The following WWC2 variants were observed in gnomAD, a reference collection of about 807,000 sequenced individuals.
The protein encoded by WWC2 is WW and C2 domain containing 2, also known as protein WWC2.
WWC2 carries 101 observed loss-of-function variants against 138.5 expected under a neutral mutation model. The observed-to-expected ratio is 0.73, with a 90% CI of 0.62 to 0.86. The LOEUF (loss-of-function observed/expected upper bound fraction) is 0.86, where lower values mean the gene tolerates loss of function less well. Among genes scored for constraint, WWC2 ranks in the 40% least tolerant of loss-of-function variants. The probability of loss-of-function intolerance (pLI) is 0.00; values close to 1 mark genes in which losing one functional copy is unlikely to be tolerated. For missense variants in WWC2, 1,420 were observed against 1,419.4 expected (o/e 1.00, Z -0.01); for synonymous variants, 558 against 538.4 (o/e 1.04, Z -0.50).
At chr4:183,285,517 T>C (rs1738217266) in intron 19 of WWC2, among the ~76,000 whole-genome samples, 1 of 152,186 alleles carries the variant, frequency 6.6e-6, no homozygotes, top group Non-Finnish European at 1.5e-5. Context: ...TCCCAACACT[T>C]TGGGAGCCCG....
At chr4:183,288,537 C>T (rs1466364060) in intron 20 of WWC2, among the ~76,000 whole-genome samples, 1 of 152,200 alleles carries the variant, frequency 6.6e-6, no homozygotes, top group Non-Finnish European at 1.5e-5. Context: ...ATCCCCTTCC[C>T]TGACTTCCTG....
chr4:183,172,549 GTTTCTTGT>G (rs1403980942), intron 1 of WWC2, among the ~76,000 whole-genome samples: 1 of 122,870 alleles, frequency 8.1e-6, no homozygotes, highest in Non-Finnish European at 1.8e-5. Flanking sequence ...ATGCTTTTAT[GTTTCTTGT>G]TTTTTTTTTT....
At chr4:183,260,057 A>G (rs1293836343) in intron 10 of WWC2, among the ~76,000 whole-genome samples, 1 of 152,192 alleles carries the variant, frequency 6.6e-6, no homozygotes, top group East Asian at 1.9e-4. Context: ...ATTTCCTTAC[A>G]TTGATGAGAA....
At position 183,319,622 on chromosome 4, in the gene WWC2, G is replaced by A. The variant is rs200710817; in HGVS notation, c.*3893G>A. 1.7e-5 allele frequency: 28 copies of A among 1,614,004 alleles called. No homozygotes were observed. The highest frequency in any genetic ancestry group is 5.5e-5 in the South Asian group (5 of 91,080). On this transcript the variant is annotated 3_prime_UTR_variant, in exon 23 of 23. Coordinates refer to ENST00000403733, the MANE Select transcript of WWC2 (RefSeq NM_024949.6). ...GATGATCTTGTGTTTGTGCCACTGC[G>A]TAGTGGCCCGAAGCTAGGGGAGCGT...
At chr4:183,248,585 TAA>T in intron 6 of WWC2, 127 bp from the exon 7 acceptor site, 1 of 907,428 alleles carries the variant, frequency 1.1e-6, no homozygotes, top group Non-Finnish European at 1.6e-6. Context: ...TATAAAATGG[TAA>T]GTACCTACTA....
intron 11 of WWC2, 101 bp from the exon 12 acceptor site, chr4:183,264,877 A>G: frequency 3.3e-6 from 4 of 1,230,622 alleles, no homozygotes; most frequent in Non-Finnish European, 3.2e-6. Context: ...CCAGAAGGAA[A>G]TCTTATTTTG....
At chr4:183,290,968 A>G (rs1220562834) in intron 21 of WWC2, among the ~76,000 whole-genome samples, 1 of 152,244 alleles carries the variant, frequency 6.6e-6, no homozygotes, top group Non-Finnish European at 1.5e-5. Context: ...AACTGACACC[A>G]GTAATAAAAC....
At chr4:183,265,603 T>C (rs887712548) in intron 12 of WWC2, 85 bp from the exon 13 acceptor site, 2 of 1,384,492 alleles carry the variant, frequency 1.4e-6, no homozygotes, top group African/African-American at 2.9e-5. Context: ...TGGATTTTCA[T>C]TCAGAATCAC....
intron 9 of WWC2, among the ~76,000 whole-genome samples, chr4:183,258,632 A>G (rs553282928): frequency 5.3e-4 from 81 of 152,334 alleles, no homozygotes; most frequent in African/African-American, 1.9e-3. Context: ...TTTCTCATAC[A>G]TTACTCCATT....
rs1738358448 is a variant in WWC2 at position 183,289,402 on chromosome 4, C to T, written c.3151C>T (p.Gln1051Ter). 1 of 1,611,174 alleles carries T rather than the reference C, an allele frequency of 6.2e-7. No individual in the cohort carries two copies. Among genetic ancestry groups the T allele is most frequent in the African/African-American group, 1.3e-5 (1 of 74,922 alleles). ...GTTTCTAACTATCCAGACGGTTTGC[C>T]AGTCAGTCCTTAGAAGAACAACACA... ...RSLRVKRTVC[Q>*]SVLRRTTQEC... The change falls in exon 21 of 23, where the codon CAG becomes TAG. Residue 1051 changes from glutamine (Q) to a stop codon, truncating the protein, a stop_gained. Coordinates refer to ENST00000403733, the MANE Select transcript of WWC2 (RefSeq NM_024949.6). LOFTEE classifies it high-confidence loss of function.
intron 1 of WWC2, among the ~76,000 whole-genome samples, chr4:183,138,415 G>A (rs556849029): frequency 6.6e-6 from 1 of 152,272 alleles, no homozygotes; most frequent in Admixed American, 6.5e-5. Context: ...TAGCTCAGGG[G>A]TTTGGACATT....
At chr4:183,190,630 A>G (rs1734963981) in intron 1 of WWC2, among the ~76,000 whole-genome samples, 1 of 152,096 alleles carries the variant, frequency 6.6e-6, no homozygotes, top group Non-Finnish European at 1.5e-5. Flanking sequence ...TTAAATTTAT[A>G]TTTGAAGGAA....
chr4:183,128,391 G>T (rs1312813405), intron 1 of WWC2, among the ~76,000 whole-genome samples: 1 of 152,112 alleles, frequency 6.6e-6, no homozygotes, highest in African/African-American at 2.4e-5. Context: ...GCACATGCCT[G>T]TAGTCTCAGC....
At chr4:183,164,283 T>TATATATATATATATAC (rs1734045850) in intron 1 of WWC2, among the ~76,000 whole-genome samples, 1 of 134,060 alleles carries the variant, frequency 7.5e-6, no homozygotes, top group African/African-American at 3.1e-5. Flanking sequence ...TATATATATA[T>TATATATATATATATAC]ATATATATAT....
At chr4:183,269,775 G>A (rs561119207) in intron 15 of WWC2, 11 of 225,716 alleles carry the variant, frequency 4.9e-5, no homozygotes, top group South Asian at 2.6e-4. Context: ...TGGAGCTTTC[G>A]GGAAGATGTG....
chr4:183,256,969 C>T (rs984052108), intron 9 of WWC2, among the ~76,000 whole-genome samples: 2 of 149,066 alleles, frequency 1.3e-5, no homozygotes, highest in African/African-American at 5.0e-5. Flanking sequence ...CGACTGTGCT[C>T]GCCACCTGGT....
chr4:183,198,026 G>A (rs1001317220), intron 2 of WWC2, among the ~76,000 whole-genome samples: 6 of 152,126 alleles, frequency 3.9e-5, no homozygotes, highest in South Asian at 2.1e-4. Context: ...TTCTTTCAGC[G>A]TGTTTTGCAG....
intron 2 of WWC2, among the ~76,000 whole-genome samples, chr4:183,199,347 GA>G (rs1212256089): frequency 6.6e-6 from 1 of 152,172 alleles, no homozygotes; most frequent in Non-Finnish European, 1.5e-5. Context: ...TTTTCAGCCA[GA>G]AGAAACGCAT....
chr4:183,291,850 T>C (rs985477797), intron 21 of WWC2, among the ~76,000 whole-genome samples: 13 of 151,772 alleles, frequency 8.6e-5, no homozygotes, highest in Non-Finnish European at 1.5e-4. Flanking sequence ...AAAACAAAGC[T>C]CTGGCAAAAT....
Sources: allele counts gnomAD v4.1 joint callset (sites outside exome capture counted in the v4.1 genomes callset), GRCh38; gene constraint gnomAD v4.1.1; transcripts MANE v1.5; gene names NCBI Gene and HGNC (gene_info 2026-07-23, HGNC 2026-07-21).